Variants in AK4 observed in about 807,000 individuals in gnomAD.
AK4 encodes adenylate kinase 4, mitochondrial.
AK4 carries 13 observed loss-of-function variants against 24.6 expected under a neutral mutation model. The observed-to-expected ratio is 0.53, with a 90% confidence interval of 0.34 to 0.84. AK4 has a LOEUF of 0.84. Among genes scored for constraint, AK4 ranks in the 40% least tolerant of loss-of-function variants. AK4 has a pLI of 0.01. For missense variants in AK4, 192 were observed against 288.2 expected (o/e 0.67, Z 2.42); for synonymous variants, 88 against 107.0 (o/e 0.82, Z 1.10).
rs1570149911 is a variant in AK4, at chr1:65,224,707, G to A, written c.439-45G>A. On this transcript the variant is annotated intron_variant, in intron 3 of 4. Transcript: ENST00000327299. ...CAGAAAAGTTTTTAACCTATGAAAT[G>A]GCCCAACTGTTGTCTATATTAATTG... is the stretch of plus-strand genomic sequence containing the variant. The A allele has an allele frequency of 2.0e-6, 3 of 1,515,834 alleles. No individual in the cohort carries two copies. The Middle Eastern group carries it at 7.1e-4, about 359-fold the overall frequency. 93.9% of individuals were successfully genotyped at this position (1,515,834 alleles called of 1,614,324 possible).
intron 1 of AK4, among the ~76,000 whole-genome samples, chr1:65,152,401 T>A (rs1226717590): frequency 2.2e-4 from 19 of 85,644 alleles, no homozygotes; most frequent in East Asian, 1.6e-3. Flanking sequence ...TTTTTTTTTT[T>A]TTTTTTTTTT....
At position 65,148,412 on chromosome 1, in the gene AK4, C is replaced by T. The variant is rs780744601; in HGVS notation, c.5C>T (p.Ala2Val). 6 of 1,542,998 alleles carry T rather than the reference C, an allele frequency of 3.9e-6. No individual in the cohort carries two copies. The highest frequency in any genetic ancestry group is 3.6e-5 in the South Asian group (3 of 82,926). Residue 2 changes from alanine to valine, a missense_variant, in exon 1 of 5, where the codon GCT (alanine) becomes GTT (valine). By Grantham distance (64) the Ala-to-Val change is moderately conservative (BLOSUM62 0). Coordinates refer to ENST00000327299, the MANE Select transcript of AK4 (RefSeq NM_013410.4). M[A>V]SKLLRAVILG... ...GCCCCCCTCCTCGCGAAGGCAATGG[C>T]TTCCAAACTCCTGCGCGCGGTCATC... is the stretch of plus-strand genomic sequence containing the variant.
chr1:65,172,390 A>G (rs1650565950), intron 1 of AK4, among the ~76,000 whole-genome samples: 1 of 151,976 alleles, frequency 6.6e-6, no homozygotes. Context: ...CAGCTGCTGA[A>G]TTATATATGC....
chr1:65,151,267 T>G (rs1649762826), intron 1 of AK4, among the ~76,000 whole-genome samples: 1 of 151,924 alleles, frequency 6.6e-6, no homozygotes, highest in African/African-American at 2.4e-5. Flanking sequence ...GCACCTGACC[T>G]CCTCTCCTCT....
At chr1:65,151,991 T>C (rs78459202) in intron 1 of AK4, among the ~76,000 whole-genome samples, 2,789 of 152,186 alleles carry the variant, frequency 0.018, 90 homozygotes, top group African/African-American at 0.064. Flanking sequence ...GTAAGAAATA[T>C]TAGCTTTTCT....
chr1:65,174,278 GT>G (rs377658152), intron 1 of AK4, among the ~76,000 whole-genome samples: 21 of 147,988 alleles, frequency 1.4e-4, no homozygotes, highest in East Asian at 5.9e-4. Context: ...CACTCTAGTT[GT>G]TTTTTTTTTA....
At chr1:65,150,603 A>G (rs1015639014) in intron 1 of AK4, among the ~76,000 whole-genome samples, 7 of 152,150 alleles carry the variant, frequency 4.6e-5, no homozygotes, top group Non-Finnish European at 7.4e-5. Context: ...TAAATAAAAC[A>G]TTCCTTTCCA....
rs540592372 is a variant in AK4, at chr1:65,230,972, T to C, written c.*4795T>C. 8 of 152,348 alleles carry C rather than the reference T, an allele frequency of 5.3e-5. No homozygotes were observed. The highest frequency in any genetic ancestry group is 1.9e-4 in the African/African-American group (8 of 41,580). 9.4% of individuals were successfully genotyped at this position (152,348 alleles called of 1,614,324 possible). On this transcript the variant is annotated 3_prime_UTR_variant, in exon 5 of 5. Transcript: ENST00000327299. The stretch of plus-strand genomic sequence containing the variant: ...AGGCAATTCATAAGGTGAGGTCCTG[T>C]TCATAGTATGACTTGCTTTCTCAAT...
At chr1:65,164,147 A>G (rs546259595) in intron 1 of AK4, among the ~76,000 whole-genome samples, 1 of 152,304 alleles carries the variant, frequency 6.6e-6, no homozygotes, top group East Asian at 1.9e-4. Flanking sequence ...TCCCCAGGCA[A>G]GAAGGGGTCT....
chr1:65,189,122 A>T (rs867523625), intron 1 of AK4, among the ~76,000 whole-genome samples: 86 of 151,412 alleles, frequency 5.7e-4, no homozygotes, highest in Admixed American at 1.5e-3. Flanking sequence ...TTTAGTAGAG[A>T]TGGTATTTCA....
intron 1 of AK4, among the ~76,000 whole-genome samples, chr1:65,178,872 A>G (rs1650810039): frequency 6.6e-6 from 1 of 152,196 alleles, no homozygotes; most frequent in Non-Finnish European, 1.5e-5. Flanking sequence ...GGTGAGGTTG[A>G]GAAGTAGTTT....
intron 4 of AK4, among the ~76,000 whole-genome samples, chr1:65,225,121 C>A (rs1447403484): frequency 6.6e-6 from 1 of 152,110 alleles, no homozygotes. Flanking sequence ...GGATGTAAAA[C>A]AACATTGAGA....
intron 1 of AK4, among the ~76,000 whole-genome samples, chr1:65,163,236 G>A (rs1191229190): frequency 6.6e-6 from 1 of 152,166 alleles, no homozygotes; most frequent in Non-Finnish European, 1.5e-5. Context: ...ATGAATGAAG[G>A]TTCGTTTCTT....
intron 2 of AK4, among the ~76,000 whole-genome samples, chr1:65,208,465 C>A (rs771477916): frequency 6.6e-6 from 1 of 152,184 alleles, no homozygotes; most frequent in African/African-American, 2.4e-5. Context: ...AACCAACCAC[C>A]TGCTTTCAAC....
chr1:65,212,285 G>A (rs1421599900), intron 2 of AK4, among the ~76,000 whole-genome samples: 1 of 151,994 alleles, frequency 6.6e-6, no homozygotes, highest in African/African-American at 2.4e-5. Context: ...AGATAGACAG[G>A]GTAACATTTT....
chr1:65,182,283 A>G (rs2101027479), intron 1 of AK4, among the ~76,000 whole-genome samples: 1 of 152,074 alleles, frequency 6.6e-6, no homozygotes, highest in African/African-American at 2.4e-5. Flanking sequence ...ACTTGCAGAA[A>G]ATTTTGGTTG....
chr1:65,203,624 T>C (rs905051702), intron 2 of AK4, among the ~76,000 whole-genome samples: 4 of 152,002 alleles, frequency 2.6e-5, no homozygotes, highest in African/African-American at 9.7e-5. Context: ...ACCAATATGG[T>C]GAAACCCCAT....
chr1:65,184,385 G>A (rs1402670873), intron 1 of AK4, among the ~76,000 whole-genome samples: 1 of 152,114 alleles, frequency 6.6e-6, no homozygotes, highest in East Asian at 1.9e-4. Context: ...AATCATTGGT[G>A]TTTTGTTTAA....
At chr1:65,196,567 CG>C (rs1651478718) in intron 2 of AK4, among the ~76,000 whole-genome samples, 1 of 152,106 alleles carries the variant, frequency 6.6e-6, no homozygotes, top group Non-Finnish European at 1.5e-5. Context: ...TGGGTTCAAG[CG>C]ATTCTCCTTC....
Sources: allele counts gnomAD v4.1 joint callset (sites outside exome capture counted in the v4.1 genomes callset), GRCh38; gene constraint gnomAD v4.1.1; transcripts MANE v1.5; gene names NCBI Gene and HGNC (gene_info 2026-07-23, HGNC 2026-07-21).